WT1: variants seen among roughly 807,000 people sequenced by gnomAD.
The protein encoded by WT1 is WT1 transcription factor.
In WT1, 8 loss-of-function variants were observed where a neutral mutation model predicts 60.8. The ratio of observed to expected loss-of-function variants is 0.13; its 90% CI spans 0.08 to 0.24. WT1 has a LOEUF of 0.24. WT1 is among the 10% of genes least tolerant of loss of function. WT1 has a pLI of 1.00. For synonymous variants in WT1, 312 were observed against 297.1 expected, an observed-to-expected ratio of 1.05 and a Z score of -0.52; for missense variants, 568 against 711.8, an observed-to-expected ratio of 0.80 and a Z score of 2.30.
intron 5 of WT1, among the ~76,000 whole-genome samples, chr11:32,401,633 G>C (rs1852160423): frequency 6.6e-6 from 1 of 151,992 alleles, no homozygotes; most frequent in South Asian, 2.1e-4. Context: ...CACCGCCCCT[G>C]GGTTCAAATG....
chr11:32,429,233 C>T (rs1173338510), intron 1 of WT1, among the ~76,000 whole-genome samples: 1 of 152,224 alleles, frequency 6.6e-6, no homozygotes, highest in Non-Finnish European at 1.5e-5. Flanking sequence ...GGGCCCCTTC[C>T]AGTTGGGCCT....
chr11:32,409,834 C>G (rs570709280), intron 5 of WT1, among the ~76,000 whole-genome samples: 1 of 152,190 alleles, frequency 6.6e-6, no homozygotes, highest in East Asian at 1.9e-4. Flanking sequence ...CTATGGAGCC[C>G]CTTCTCTCCC....
At chr11:32,405,908 A>G (rs892351203) in intron 5 of WT1, among the ~76,000 whole-genome samples, 2 of 152,210 alleles carry the variant, frequency 1.3e-5, no homozygotes, top group East Asian at 3.8e-4. Flanking sequence ...GAGCTGGATA[A>G]TCCTGGTGGT....
At chr11:32,406,236 G>A (rs1459930210) in intron 5 of WT1, among the ~76,000 whole-genome samples, 1 of 152,104 alleles carries the variant, frequency 6.6e-6, no homozygotes, top group Non-Finnish European at 1.5e-5. Flanking sequence ...GTGGGGTGGA[G>A]GTGGGGGTGG....
At chr11:32,433,307 G>A (rs994747347) in intron 1 of WT1, among the ~76,000 whole-genome samples, 1 of 152,226 alleles carries the variant, frequency 6.6e-6, no homozygotes. Flanking sequence ...TTCCTCCACA[G>A]GACAGTGATC....
rs5030329 is a variant in WT1, at chr11:32,387,849, T to C, written c.*1209A>G. 5.9e-3 allele frequency: 1,372 copies of C among 233,256 alleles called. 19 individuals are homozygous for C. The highest frequency in any genetic ancestry group is 0.028 in the African/African-American group (1,294 of 45,454). 14.4% of individuals were successfully genotyped at this position (233,256 alleles called of 1,614,324 possible). ...ACAATTTTAAGTGTTATCATCAATA[T>C]CTTGTAAGATCAACACCCAGTGATG... is the stretch of plus-strand genomic sequence containing the variant. On this transcript the variant is annotated 3_prime_UTR_variant, in exon 10 of 10. Transcript: ENST00000452863.
intron 3 of WT1, among the ~76,000 whole-genome samples, chr11:32,424,697 A>T (rs1235711241): frequency 6.6e-6 from 1 of 152,182 alleles, no homozygotes. Flanking sequence ...AGCCACAACA[A>T]ATATATATGC....
At chr11:32,391,741 A>C (rs1590330922) in intron 9 of WT1, among the ~76,000 whole-genome samples, 1 of 151,920 alleles carries the variant, frequency 6.6e-6, no homozygotes, top group East Asian at 1.9e-4. Context: ...CATTCTGCAC[A>C]CTCCAGCCAT....
chr11:32,417,474 T>A, intron 4 of WT1, 103 bp downstream of exon 4: 1 of 1,083,102 alleles, frequency 9.2e-7, no homozygotes, highest in East Asian at 2.5e-5. Context: ...GCTTTGCCCT[T>A]TCTTCTAAAA....
chr11:32,394,803 G>C (rs1851918523), intron 7 of WT1, among the ~76,000 whole-genome samples: 1 of 152,172 alleles, frequency 6.6e-6, no homozygotes, highest in African/African-American at 2.4e-5. Flanking sequence ...CTGGGGTTTT[G>C]GCTGTCTTGT....
At chr11:32,424,097 G>C (rs1852943050) in intron 3 of WT1, among the ~76,000 whole-genome samples, 1 of 148,688 alleles carries the variant, frequency 6.7e-6, no homozygotes, top group Non-Finnish European at 1.5e-5. Flanking sequence ...GGCAGGCAGA[G>C]GTTGCAGTGA....
intron 1 of WT1, chr11:32,428,984 A>G (rs893084415): frequency 2.0e-5 from 7 of 351,212 alleles, no homozygotes; most frequent in African/African-American, 1.5e-4. Context: ...CCAAAAATAA[A>G]CTGCAGCTCT....
At chr11:32,431,442 T>TC (rs1853306110) in intron 1 of WT1, among the ~76,000 whole-genome samples, 1 of 105,244 alleles carries the variant, frequency 9.5e-6, no homozygotes, top group South Asian at 4.7e-4. Flanking sequence ...CTCTTTTTTT[T>TC]TTTTTTTTTT....
rs370524588 is a variant in WT1 at position 32,430,432 on chromosome 11, CAG to C, written c.662-1815_662-1814del. ...AGAGAGAGAGAAAGAGAGACAGACA[CAG>C]AGAGAGAGAGAGAGAGGGAGGGAGA... On this transcript the variant is annotated intron_variant, in intron 1 of 9. Coordinates refer to ENST00000452863, the MANE Select transcript of WT1 (RefSeq NM_024426.6). 0.088 allele frequency: 81,741 copies of C among 924,626 alleles called. 917 individuals carry two copies. The highest frequency in any genetic ancestry group is 0.12 in the South Asian group (6,080 of 49,338). 57.3% of individuals were successfully genotyped at this position (924,626 alleles called of 1,614,324 possible).
chr11:32,430,487 AGAG>A, intron 1 of WT1: 2 of 1,591,042 alleles, frequency 1.3e-6, no homozygotes, highest in Non-Finnish European at 8.5e-7. Context: ...AGAGAGAGAG[AGAG>A]ACGAAATAGA....
intron 1 of WT1, 82 bp from the exon 2 acceptor site, chr11:32,428,701 G>A: frequency 5.1e-6 from 8 of 1,556,852 alleles, no homozygotes; most frequent in Non-Finnish European, 6.9e-6. Context: ...CCACGGGCGG[G>A]GGGGGTGTGC....
chr11:32,430,543 T>C (rs1853265966), intron 1 of WT1: 3 of 1,597,822 alleles, frequency 1.9e-6, no homozygotes, highest in Non-Finnish European at 2.6e-6. Context: ...TCTCCATTCC[T>C]GAGCCCAGGA....
rs771455202 is a variant in WT1 at position 32,428,551 on chromosome 11, A to G, written c.730T>C (p.Phe244Leu). 1 of 1,614,074 alleles carries G rather than the reference A, an allele frequency of 6.2e-7. No homozygotes were observed. Among genetic ancestry groups the G allele is most frequent in the Non-Finnish European group, 8.5e-7 (1 of 1,180,018 alleles). ...TCATGCTTGAATGAGTGGTTGGGGAACTGCGCCGCATGGTGCGAGGGCGTG... is the reference window on the plus strand; with the variant it reads ...TCATGCTTGAATGAGTGGTTGGGGAGCTGCGCCGCATGGTGCGAGGGCGTG... Residue 244 changes from phenylalanine (F) to leucine (L), a missense_variant, in exon 2 of 10, where the codon TTC becomes CTC. This residue lies in a region of WT1 where 523 missense variants were observed against 565.1 expected (regional missense o/e 0.93). Coordinates refer to ENST00000452863, the MANE Select transcript of WT1 (RefSeq NM_024426.6).
intron 5 of WT1, among the ~76,000 whole-genome samples, chr11:32,413,767 A>T (rs1019582514): frequency 1.3e-5 from 2 of 152,198 alleles, no homozygotes; most frequent in Non-Finnish European, 2.9e-5. Context: ...TGTATATGGG[A>T]TCTCACTGTA....
Sources: gnomAD v4.1 joint callset for allele counts (sites outside exome capture counted in the v4.1 genomes callset) on GRCh38, gnomAD v4.1.1 for gene constraint, gnomAD v4.1.1 regional missense constraint, MANE v1.5 for transcripts, NCBI Gene and HGNC (gene_info 2026-07-23, HGNC 2026-07-21) for gene names.